Variants in RUSF1 observed in about 807,000 individuals in gnomAD.
RUSF1 encodes RUS1 family protein C16orf58.
In RUSF1, 58 loss-of-function variants were observed where a neutral mutation model predicts 63.0. The ratio of observed to expected loss-of-function variants is 0.92; its 90% CI spans 0.75 to 1.15. The LOEUF is 1.15. RUSF1 is among the 50% of genes most tolerant of loss of function. RUSF1 has a pLI of 0.00. For synonymous variants in RUSF1, 274 were observed against 255.8 expected, an observed-to-expected ratio of 1.07 and a Z score of -0.68; for missense variants, 652 against 611.0, an observed-to-expected ratio of 1.07 and a Z score of -0.71.
Position 31,508,197 on chromosome 16 carries a change from T to G in RUSF1, c.177A>C (p.Glu59Asp). The change falls in exon 1 of 13, where the codon GAA (glutamate) becomes GAC (aspartate). Residue 59 changes from glutamate to aspartate, a missense_variant. By Grantham distance (45) the Glu-to-Asp change is conservative. Coordinates refer to ENST00000327237, the MANE Select transcript of RUSF1 (RefSeq NM_022744.4). ...GTGAGGGGGCCCCGGAAGCCCCCAC[T>G]TCGCCCGCATCTCGTCCTTCAGGTT... ...TVKPEGRDAG[E>D]VGASGAPSPP... is the part of the protein sequence containing the mutation. 1 of 1,566,226 alleles carries G rather than the reference T, an allele frequency of 6.4e-7. No homozygotes were observed. Among genetic ancestry groups the G allele is most frequent in the East Asian group, 2.4e-5 (1 of 41,700 alleles).
intron 6 of RUSF1, among the ~76,000 whole-genome samples, chr16:31,494,756 G>A (rs957135545): frequency 2.0e-5 from 3 of 151,590 alleles, no homozygotes; most frequent in African/African-American, 7.3e-5. Flanking sequence ...CTGTCACCCA[G>A]GCTGGAGTGC....
Position 31,493,649 on chromosome 16 carries a change from C to T in RUSF1, c.912G>A (p.Glu304=), listed in dbSNP as rs758663423. ...GATTGGCTGCAGTTGGGTCGAGTAC[C>T]TCTCCCCTCTGAAGGTAGTGCTTCA... ...LVLKHYLQRG[E]VLDPTAANRM... The change falls in exon 8 of 13, where the codon GAG becomes GAA. Residue 304 remains glutamate (E), a synonymous_variant. Coordinates refer to ENST00000327237, the MANE Select transcript of RUSF1 (RefSeq NM_022744.4). The T allele has an allele frequency of 6.2e-7, 1 of 1,614,226 alleles. No homozygotes were observed. The highest frequency in any genetic ancestry group is 8.5e-7 in the Non-Finnish European group (1 of 1,180,046).
chr16:31,507,855 G>A lies in RUSF1; in HGVS notation c.324C>T (p.Gly108=). 5 of 1,568,264 alleles carry A rather than the reference G, an allele frequency of 3.2e-6. No homozygotes were observed. Among genetic ancestry groups the A allele is most frequent in the Non-Finnish European group, 4.3e-6 (5 of 1,155,926 alleles). Residue 108 remains glycine (G), a synonymous_variant, in exon 2 of 13, where the codon GGC becomes GGT. Transcript: ENST00000327237. The stretch of plus-strand genomic sequence containing the variant: ...GCAAGACTGCCTGGGTGGCTAGGGA[G>A]CCGGAGAGGCTGGAAGCAAACGCCT... ...SVQAFASSLS[G]SLATQAVLLG...
intron 6 of RUSF1, among the ~76,000 whole-genome samples, chr16:31,495,894 T>G (rs1046595064): frequency 3.9e-5 from 6 of 152,150 alleles, no homozygotes; most frequent in African/African-American, 1.4e-4. Context: ...TAATAAATAT[T>G]AGCTTGGGTT....
chr16:31,490,818 GCCT>G lies in RUSF1; in HGVS notation c.*14_*16del. On this transcript the variant is annotated 3_prime_UTR_variant, in exon 13 of 13. Coordinates refer to ENST00000327237, the MANE Select transcript of RUSF1 (RefSeq NM_022744.4). ...CTCCAGGTTCCTGCCCTGGGCTTGG[GCCT>G]CCGTCTGGGCTGCTCACAAGACCTT... 2 of 1,613,416 alleles carry G rather than the reference GCCT, an allele frequency of 1.2e-6. No individual in the cohort carries two copies. The highest frequency in any genetic ancestry group is 1.7e-6 in the Non-Finnish European group (2 of 1,179,376).
At chr16:31,490,987 G>C (rs2082563218) in intron 12 of RUSF1, 55 bp from the exon 13 acceptor site, 1 of 1,556,234 alleles carries the variant, frequency 6.4e-7, no homozygotes, top group Non-Finnish European at 8.9e-7. Flanking sequence ...GGTAAGGAGA[G>C]GCACAGGCTG....
chr16:31,506,181 T>C (rs2082657728), intron 2 of RUSF1, among the ~76,000 whole-genome samples: 1 of 152,248 alleles, frequency 6.6e-6, no homozygotes, highest in Non-Finnish European at 1.5e-5. Flanking sequence ...TGCTTTCTGA[T>C]GGATCAATGA....
At chr16:31,494,828 C>T (rs2082593775) in intron 6 of RUSF1, among the ~76,000 whole-genome samples, 2 of 152,022 alleles carry the variant, frequency 1.3e-5, no homozygotes, top group South Asian at 2.1e-4. Context: ...CCTACCACCA[C>T]GCCTCTGCTA....
chr16:31,495,585 G>A (rs933475465), intron 6 of RUSF1, among the ~76,000 whole-genome samples: 2 of 152,096 alleles, frequency 1.3e-5, no homozygotes, highest in African/African-American at 4.8e-5. Flanking sequence ...GGGGACCAGC[G>A]AGAGAACAGG....
In RUSF1 at chr16:31,508,329, C is replaced by T. The variant is rs370598404; in HGVS notation, c.45G>A (p.Gln15=). ...AGLETPLCSE[Q]FGSGEARGCR... ...AGCCCCGTGCCTCCCCGGAGCCGAA[C>T]TGCTCGGAACACAGCGGGGTCTCCA... The change falls in exon 1 of 13, where the codon CAG becomes CAA. Residue 15 remains glutamine (Q), a synonymous_variant. Transcript: ENST00000327237. The T allele has an allele frequency of 1.9e-6, 3 of 1,574,194 alleles. No homozygotes were observed. The highest frequency in any genetic ancestry group is 2.6e-6 in the Non-Finnish European group (3 of 1,166,632).
rs756222271 is a variant in RUSF1, at chr16:31,490,094, C to T, written c.*741G>A. ...AACTCCCACCTCGTTCGTGCTCCCA[C>T]CCTCCCCAGCTCCACCGCCTGGTCT... is the stretch of plus-strand genomic sequence containing the variant. On this transcript the variant is annotated 3_prime_UTR_variant, in exon 13 of 13. Transcript: ENST00000327237. 1 of 1,613,430 alleles carries T rather than the reference C, an allele frequency of 6.2e-7. No homozygotes were observed.
At chr16:31,492,367 A>G in intron 10 of RUSF1, 27 bp from the exon 11 acceptor site, 1 of 1,519,364 alleles carries the variant, frequency 6.6e-7, no homozygotes, top group Non-Finnish European at 8.8e-7. Context: ...ACAGACTGGT[A>G]TCAGGGAAGG....
chr16:31,490,602 TC>T lies in RUSF1; in HGVS notation c.*232del. 7.2e-7 allele frequency: 1 copy of T among 1,383,794 alleles called. No homozygotes were observed. Among genetic ancestry groups the T allele is most frequent in the Non-Finnish European group, 1.0e-6 (1 of 990,336 alleles). 85.7% of individuals were successfully genotyped at this position (1,383,794 alleles called of 1,614,324 possible). On this transcript the variant is annotated 3_prime_UTR_variant, in exon 13 of 13. Transcript: ENST00000327237. ...AGTGGGGGTGAGGAGCCTGCGGTGC[TC>T]CCCAGAAAAGGGGAAGGGGCAGTGG...
chr16:31,502,516 T>C (rs1444296714), intron 2 of RUSF1, among the ~76,000 whole-genome samples: 1 of 152,130 alleles, frequency 6.6e-6, no homozygotes, highest in Non-Finnish European at 1.5e-5. Flanking sequence ...TACAAGAAAA[T>C]ATGGATTTCC....
In RUSF1 at chr16:31,496,935, C is replaced by G; in HGVS notation, c.616G>C (p.Ala206Pro). The G allele has an allele frequency of 6.2e-7, 1 of 1,608,132 alleles. No homozygotes were observed. The highest frequency in any genetic ancestry group is 8.5e-7 in the Non-Finnish European group (1 of 1,177,744). Residue 206 changes from alanine to proline, a missense_variant, in exon 6 of 13, where the codon GCT becomes CCT. Transcript: ENST00000327237. Reference sequence around the variant, plus strand: ...AGGGCAGCCCGAGTGGCCCCACCAGCAACACTCACGATGCACTGGGTGGGA... The same window carrying G: ...AGGGCAGCCCGAGTGGCCCCACCAGGAACACTCACGATGCACTGGGTGGGA... ...SNLAKCIVSV[A>P]GGATRAALTV... is the part of the protein sequence containing the mutation.
At position 31,490,448 on chromosome 16, in the gene RUSF1, C is replaced by G. The variant is rs752629971; in HGVS notation, c.*387G>C. On this transcript the variant is annotated 3_prime_UTR_variant, in exon 13 of 13. Transcript: ENST00000327237. ...CAGCCAGGCGGCTGGAGGACATCAG[C>G]GAGGACCCGAGCTGGGCCCGTGTGG... 6.2e-7 allele frequency: 1 copy of G among 1,613,880 alleles called. No individual in the cohort carries two copies. Among genetic ancestry groups the G allele is most frequent in the Non-Finnish European group, 8.5e-7 (1 of 1,179,962 alleles).
chr16:31,494,580 G>T (rs914426072), intron 6 of RUSF1, among the ~76,000 whole-genome samples: 1 of 152,020 alleles, frequency 6.6e-6, no homozygotes, highest in African/African-American at 2.4e-5. Flanking sequence ...GAGACACAGT[G>T]ATACCCTGTC....
intron 5 of RUSF1, among the ~76,000 whole-genome samples, chr16:31,497,607 G>T (rs1435921273): frequency 6.6e-6 from 1 of 152,252 alleles, no homozygotes; most frequent in Non-Finnish European, 1.5e-5. Flanking sequence ...AAAGTGCTGG[G>T]ATTACAGGCG....
rs757286085 is a variant in RUSF1, at chr16:31,508,387, A to C, written c.-14T>G. 1 of 1,478,632 alleles carries C rather than the reference A, an allele frequency of 6.8e-7. No homozygotes were observed. The highest frequency in any genetic ancestry group is 1.5e-5 in the African/African-American group (1 of 68,780). 91.6% of individuals were successfully genotyped at this position (1,478,632 alleles called of 1,614,324 possible). On this transcript the variant is annotated 5_prime_UTR_variant, in exon 1 of 13. Transcript: ENST00000327237. ...GTCGTCAGCCATGCCGAGCTTTTGG[A>C]TCCCAGCCCCGCCCCTGCCGCACGG...
Sources: gnomAD v4.1 joint callset for allele counts (sites outside exome capture counted in the v4.1 genomes callset) on GRCh38, gnomAD v4.1.1 for gene constraint, MANE v1.5 for transcripts, NCBI Gene and HGNC (gene_info 2026-07-23, HGNC 2026-07-21) for gene names.